The following OPA1 variants were observed in gnomAD, a reference collection of about 807,000 sequenced individuals.
The protein encoded by OPA1 is OPA1 mitochondrial dynamin like GTPase, also known as dynamin-like GTPase OPA1, mitochondrial.
OPA1 carries 59 observed loss-of-function variants against 152.9 expected under a neutral mutation model. That is an observed-to-expected ratio of 0.39 (90% CI 0.31 to 0.48). OPA1 has a LOEUF of 0.48. OPA1 is among the 20% of genes least tolerant of loss of function. The pLI is 0.96. For missense variants in OPA1, 1,008 were observed against 1,216.8 expected, an observed-to-expected ratio of 0.83 and a Z score of 2.55; for synonymous variants, 400 against 389.9, an observed-to-expected ratio of 1.03 and a Z score of -0.31.
chr3:193,657,059 T>C (rs182865767), intron 22 of OPA1, 21 bp from the exon 23 acceptor site: 1 of 1,599,038 alleles, frequency 6.3e-7, no homozygotes, highest in Admixed American at 1.8e-5. Context: ...ATATGGCTTT[T>C]TTTCTTTCAA....
At chr3:193,670,505 T>C (rs899215193) in intron 29 of OPA1, among the ~76,000 whole-genome samples, 3 of 151,840 alleles carry the variant, frequency 2.0e-5, no homozygotes, top group African/African-American at 7.3e-5. Flanking sequence ...TAGCTGGGGC[T>C]ACAGGCGCCC....
At chr3:193,593,564 G>A (rs1312257690) in intron 1 of OPA1, among the ~76,000 whole-genome samples, 155 bp downstream of exon 1, 6 of 152,242 alleles carry the variant, frequency 3.9e-5, no homozygotes, top group African/African-American at 9.6e-5. Context: ...AGAATGACAG[G>A]AGCCCTGGCT....
Position 193,664,958 on chromosome 3 carries a change from G to A in OPA1, c.2740G>A (p.Gly914Ser). 6.2e-7 allele frequency: 1 copy of A among 1,607,506 alleles called. No homozygotes were observed. The highest frequency in any genetic ancestry group is 1.7e-4 in the Middle Eastern group (1 of 6,034). Residue 914 changes from glycine to serine, a missense_variant, in exon 27 of 31, where the codon GGT (glycine) becomes AGT (serine). By Grantham distance (56) the Gly-to-Ser change is moderately conservative. Around this residue, in one of 7 missense-constraint regions of OPA1, gnomAD observed 137 missense variants for 171.0 expected, o/e 0.80. Coordinates refer to ENST00000361510, the MANE Select transcript of OPA1 (RefSeq NM_130837.3). ...ALNHCNLCRR[G>S]FYYYQRHFVD... is the part of the protein sequence containing the mutation. The stretch of plus-strand genomic sequence containing the variant: ...AAACCATTGTAACCTTTGTCGAAGA[G>A]GTTTTTATTACTACCAAAGGCATTT...
chr3:193,604,402 A>G (rs1726907104), intron 1 of OPA1, among the ~76,000 whole-genome samples: 1 of 152,222 alleles, frequency 6.6e-6, no homozygotes, highest in African/African-American at 2.4e-5. Flanking sequence ...CTATTAAGGA[A>G]AAATTTGGAA....
chr3:193,688,655 C>T (rs892732294), intron 29 of OPA1, among the ~76,000 whole-genome samples: 2 of 151,664 alleles, frequency 1.3e-5, no homozygotes, highest in Non-Finnish European at 2.9e-5. Flanking sequence ...GCATTTGCTT[C>T]GTCACTATGA....
rs182288585 is a variant in OPA1 at position 193,658,737 on chromosome 3, G to A, written c.2332-150G>A. Reference sequence around the variant, plus strand: ...ACAAATAAGCAGGCAAGTAAAAGAAGCTTATGCATTTTTATAGGAAGGATA... The same window carrying A: ...ACAAATAAGCAGGCAAGTAAAAGAAACTTATGCATTTTTATAGGAAGGATA... On this transcript the variant is annotated intron_variant, in intron 23 of 30. Coordinates refer to ENST00000361510, the MANE Select transcript of OPA1 (RefSeq NM_130837.3). 7.1e-5 allele frequency: 45 copies of A among 636,058 alleles called. No homozygotes were observed. In the East Asian group the frequency reaches 8.1e-4, roughly 11 times the overall value. The allele number at this position is 636,058 out of a possible 1,614,324, so 39.4% of individuals were successfully genotyped here.
At chr3:193,661,871 ACTTTCT>A (rs1332216837) in intron 25 of OPA1, among the ~76,000 whole-genome samples, 1 of 152,170 alleles carries the variant, frequency 6.6e-6, no homozygotes, top group Non-Finnish European at 1.5e-5. Flanking sequence ...CAAACAGTGA[ACTTTCT>A]CTTTATCAAA....
At chr3:193,658,848 G>T (rs757965408) in intron 23 of OPA1, 39 bp from the exon 24 acceptor site, 2 of 1,391,684 alleles carry the variant, frequency 1.4e-6, no homozygotes, top group Admixed American at 3.3e-5. Flanking sequence ...ATGATGAGAT[G>T]TAAAACAAGT....
At chr3:193,648,979 A>G (rs1457925201) in intron 21 of OPA1, 108 bp downstream of exon 21, 1 of 811,516 alleles carries the variant, frequency 1.2e-6, no homozygotes, top group Admixed American at 1.9e-5. Context: ...GCCTTGGCTC[A>G]TAGGCAAAAA....
intron 1 of OPA1, among the ~76,000 whole-genome samples, chr3:193,602,898 A>C (rs987944065): frequency 6.6e-6 from 1 of 152,194 alleles, no homozygotes; most frequent in African/African-American, 2.4e-5. Context: ...GCTTTCCTAC[A>C]TGGGAAGGCC....
At chr3:193,641,556 G>A (rs1733789130) in intron 11 of OPA1, among the ~76,000 whole-genome samples, 1 of 152,132 alleles carries the variant, frequency 6.6e-6, no homozygotes, top group Admixed American at 6.5e-5. Flanking sequence ...TTCCAATCTT[G>A]TCTACTCAAC....
intron 20 of OPA1, chr3:193,648,411 G>A (rs545137205): frequency 3.8e-5 from 15 of 395,616 alleles, no homozygotes; most frequent in East Asian, 1.6e-4. Flanking sequence ...TGTAGAATTC[G>A]TGTATTCCTG....
chr3:193,679,420 G>C (rs77812525), intron 29 of OPA1, among the ~76,000 whole-genome samples: 2,183 of 152,146 alleles, frequency 0.014, 52 homozygotes, highest in African/African-American at 0.049. Context: ...TTTATGTAGT[G>C]CTTTATTTTA....
chr3:193,680,741 T>C (rs1207962600), intron 29 of OPA1, among the ~76,000 whole-genome samples: 1 of 152,238 alleles, frequency 6.6e-6, no homozygotes, highest in Non-Finnish European at 1.5e-5. Flanking sequence ...TTTACTGATC[T>C]TTTTTAATCT....
chr3:193,623,598 A>G (rs1730545170), intron 6 of OPA1, among the ~76,000 whole-genome samples: 1 of 152,280 alleles, frequency 6.6e-6, no homozygotes, highest in South Asian at 2.1e-4. Flanking sequence ...AAGAGACTAT[A>G]TCATCTGTGA....
chr3:193,668,446 G>A (rs755866880), intron 29 of OPA1: 1 of 1,550,676 alleles, frequency 6.4e-7, no homozygotes, highest in South Asian at 1.2e-5. Flanking sequence ...TCGTCATGGA[G>A]TCCCTTTTAC....
Position 193,638,100 on chromosome 3 carries a change from G to A in OPA1, c.1149+35G>A, listed in dbSNP as rs753363465. The stretch of plus-strand genomic sequence containing the variant: ...TAGGCCGTCTCAGTGAGGTTCCTTA[G>A]GAGAGTAACTGCTTCAGTGAGACCT... On this transcript the variant is annotated intron_variant, in intron 11 of 30. Coordinates refer to ENST00000361510, the MANE Select transcript of OPA1 (RefSeq NM_130837.3). The A allele has an allele frequency of 9.0e-6, 13 of 1,448,178 alleles. No homozygotes were observed. In the South Asian group the frequency reaches 1.4e-4, roughly 15 times the overall value. 89.7% of individuals were successfully genotyped at this position (1,448,178 alleles called of 1,614,324 possible). A position where few individuals can be genotyped will look rare whatever the true frequency, so the allele number is the denominator to read the frequency against.
chr3:193,651,893 TC>T (rs1445174013), intron 21 of OPA1, among the ~76,000 whole-genome samples: 1 of 137,956 alleles, frequency 7.2e-6, no homozygotes, highest in Non-Finnish European at 1.5e-5. Context: ...AGTATAATAG[TC>T]CTCTACTTTA....
At chr3:193,647,733 T>C (rs1297230633) in intron 19 of OPA1, among the ~76,000 whole-genome samples, 1 of 152,216 alleles carries the variant, frequency 6.6e-6, no homozygotes, top group African/African-American at 2.4e-5. Context: ...AAATAACTTA[T>C]CCTATTACCC....
Sources: allele counts gnomAD v4.1 joint callset (sites outside exome capture counted in the v4.1 genomes callset), GRCh38; gene constraint gnomAD v4.1.1; regional missense constraint gnomAD v4.1.1; transcripts MANE v1.5; gene names NCBI Gene and HGNC (gene_info 2026-07-23, HGNC 2026-07-21).